Variants in TRAP1 observed in about 807,000 individuals in gnomAD.
TRAP1 encodes the protein TNF receptor associated protein 1, also known as heat shock protein 75 kDa, mitochondrial.
In TRAP1, 102 loss-of-function variants were observed where a neutral mutation model predicts 89.1. The ratio of observed to expected loss-of-function variants is 1.15; its 90% confidence interval spans 0.98 to 1.35. The LOEUF (loss-of-function observed/expected upper bound fraction) is 1.35. Ranked by LOEUF, TRAP1 falls within the 40% of genes most tolerant of loss-of-function variation. TRAP1 has a pLI of 0.00. For synonymous variants in TRAP1, 508 were observed against 388.0 expected (o/e 1.31, Z -3.64); for missense variants, 1,256 against 945.3 (o/e 1.33, Z -4.31).
chr16:3,702,577 T>A (rs1446361245), intron 1 of TRAP1, among the ~76,000 whole-genome samples: 1 of 151,536 alleles, frequency 6.6e-6, no homozygotes, highest in African/African-American at 2.4e-5. Context: ...ACCCCGTCCC[T>A]ACCAAAAATA....
intron 1 of TRAP1, among the ~76,000 whole-genome samples, chr16:3,710,879 A>ATATATATATTTT (rs71133652): frequency 3.2e-4 from 40 of 125,796 alleles, no homozygotes; most frequent in East Asian, 2.4e-3. Context: ...ATATATATAT[A>ATATATATATTTT]TTTTTTTTTT....
chr16:3,677,148 T>C (rs1263901979), intron 6 of TRAP1, among the ~76,000 whole-genome samples: 2 of 150,762 alleles, frequency 1.3e-5, no homozygotes, highest in Non-Finnish European at 2.9e-5. Context: ...ATGCCAGGGC[T>C]GGGAGGAAGC....
Position 3,686,012 on chromosome 16 carries a change from C to A in TRAP1, c.455G>T (p.Gly152Val). The stretch of plus-strand genomic sequence containing the variant: ...GGGAGGTACCTGGATGGTGATGGTG[C>A]CTTTCTCGGCATTGGTCTGCAAGTG... ...EIHLQTNAEK[G>V]TITIQDTGIG... The change falls in exon 4 of 18, where the codon GGC (glycine) becomes GTC (valine). Residue 152 changes from glycine (G) to valine (V), a missense_variant. Physicochemically the swap from Gly to Val is moderately radical, Grantham distance 109. Transcript: ENST00000246957. 1.2e-6 allele frequency: 2 copies of A among 1,613,854 alleles called. No individual in the cohort carries two copies. The highest frequency in any genetic ancestry group is 2.2e-5 in the South Asian group (2 of 91,016).
At chr16:3,680,577 A>G (rs3794701) in intron 4 of TRAP1, among the ~76,000 whole-genome samples, 100,952 of 152,186 alleles carry the variant, frequency 0.66, 35,473 homozygotes, top group African/African-American at 0.89. Flanking sequence ...CAGCGGGCAC[A>G]GACGCCTCTC....
At chr16:3,689,445 C>T (rs1039406194) in intron 2 of TRAP1, among the ~76,000 whole-genome samples, 2 of 152,074 alleles carry the variant, frequency 1.3e-5, no homozygotes, top group Non-Finnish European at 2.9e-5. Flanking sequence ...GGGGTTTTAC[C>T]ATGTTAGCCA....
intron 11 of TRAP1, among the ~76,000 whole-genome samples, chr16:3,671,117 G>A (rs2050907313): frequency 6.6e-6 from 1 of 152,098 alleles, no homozygotes; most frequent in African/African-American, 2.4e-5. Context: ...GCTCTTGAGA[G>A]ACCTCCAGGG....
intron 1 of TRAP1, among the ~76,000 whole-genome samples, chr16:3,714,124 C>T (rs952263836): frequency 1.3e-5 from 2 of 152,188 alleles, no homozygotes; most frequent in African/African-American, 2.4e-5. Context: ...CGGCCCAAAT[C>T]GCTCCTCATC....
chr16:3,677,536 T>C lies in TRAP1; in HGVS notation c.666A>G (p.Ala222=), dbSNP rs150918088. 7.7e-4 allele frequency: 1,249 copies of C among 1,614,160 alleles called. 10 individuals carry two copies. In the African/African-American group the frequency reaches 0.015, roughly 19 times the overall value. The change falls in exon 6 of 18, where the codon GCA becomes GCG. Residue 222 remains alanine (A), a synonymous_variant. Coordinates refer to ENST00000246957, the MANE Select transcript of TRAP1 (RefSeq NM_016292.3). ...ADRVEVYSRS[A]APGSLGYQWL... The stretch of plus-strand genomic sequence containing the variant: ...ACTGGTAACCCAGGCTCCCCGGGGC[T>C]GCCGAGCGGGAATAGACCTCCACTC...
At chr16:3,699,379 A>T (rs529140532) in intron 1 of TRAP1, among the ~76,000 whole-genome samples, 16 of 152,164 alleles carry the variant, frequency 1.1e-4, no homozygotes, top group African/African-American at 3.6e-4. Flanking sequence ...GGCTCACACC[A>T]TAATCCCAGC....
At position 3,662,903 on chromosome 16, in the gene TRAP1, C is replaced by T. The variant is rs1429488943; in HGVS notation, c.1773G>A (p.Gly591=). Residue 591 remains glycine, a synonymous_variant, in exon 15 of 18, where the codon GGG becomes GGA. Coordinates refer to ENST00000246957, the MANE Select transcript of TRAP1 (RefSeq NM_016292.3). ...ELMAWMRNVL[G]SRVTNVKVTL... ...TCACCTTCACGTTGGTGACACGCGA[C>T]CCCAGCACATTTCTCATCCAGGCCA... 8.1e-6 allele frequency: 13 copies of T among 1,613,524 alleles called. No individual in the cohort carries two copies. Among genetic ancestry groups the T allele is most frequent in the Non-Finnish European group, 1.1e-5 (13 of 1,180,008 alleles).
chr16:3,663,303 C>T (rs2050731272), intron 14 of TRAP1, 121 bp downstream of exon 14: 6 of 1,364,814 alleles, frequency 4.4e-6, no homozygotes. Flanking sequence ...CAAGGCTCTT[C>T]TCGGGGGTGG....
At chr16:3,703,719 T>A (rs558677827) in intron 1 of TRAP1, among the ~76,000 whole-genome samples, 2 of 152,068 alleles carry the variant, frequency 1.3e-5, no homozygotes, top group African/African-American at 4.8e-5. Flanking sequence ...CTTATAAAAC[T>A]ATTTACAAAA....
chr16:3,662,652 G>A (rs766085846), intron 15 of TRAP1: 2 of 682,882 alleles, frequency 2.9e-6, no homozygotes, highest in South Asian at 1.5e-5. Flanking sequence ...TCAGTTCTCA[G>A]TTCACACCTG....
Position 3,672,695 on chromosome 16 carries a change from C to A in TRAP1, c.1165+5G>T. The stretch of plus-strand genomic sequence containing the variant: ...GGCACTGCTCACGGACTCTGAGCAG[C>A]GTACCTCGGATGAAGCGCAGCCACT... On this transcript the variant is annotated splice_donor_5th_base_variant and intron_variant, in intron 10 of 17. Transcript: ENST00000246957. 6.2e-7 allele frequency: 1 copy of A among 1,605,360 alleles called. No individual in the cohort carries two copies.
At chr16:3,661,345 C>A (rs1035132226) in intron 16 of TRAP1, 1 of 151,740 alleles carries the variant, frequency 6.6e-6, no homozygotes, top group South Asian at 2.1e-4. Context: ...CAGGAAGAAA[C>A]GAGGGAAATC....
intron 6 of TRAP1, among the ~76,000 whole-genome samples, 183 bp downstream of exon 6, chr16:3,677,315 C>G (rs566491481): frequency 6.6e-6 from 1 of 152,154 alleles, no homozygotes; most frequent in African/African-American, 2.4e-5. Context: ...TGGGACCAGA[C>G]AGGTGCCATA....
intron 9 of TRAP1, among the ~76,000 whole-genome samples, chr16:3,673,773 A>G (rs1306391807): frequency 6.6e-6 from 1 of 152,200 alleles, no homozygotes; most frequent in Admixed American, 6.5e-5. Context: ...AGCCCCGAAT[A>G]GGTCTCCTTA....
chr16:3,714,680 T>C (rs1421130889), intron 1 of TRAP1, among the ~76,000 whole-genome samples: 2 of 151,798 alleles, frequency 1.3e-5, no homozygotes, highest in Non-Finnish European at 2.9e-5. Context: ...AATAAGATAT[T>C]CTGAGGGCAA....
chr16:3,664,500 T>C (rs200842856), intron 12 of TRAP1, 41 bp from the exon 13 acceptor site: 11 of 1,569,666 alleles, frequency 7.0e-6, no homozygotes, highest in Middle Eastern at 3.4e-4. Context: ...TCCAGGCCCA[T>C]GGGCTCAATG....
Sources: allele counts gnomAD v4.1 joint callset (sites outside exome capture counted in the v4.1 genomes callset), GRCh38; gene constraint gnomAD v4.1.1; transcripts MANE v1.5; gene names NCBI Gene and HGNC (gene_info 2026-07-23, HGNC 2026-07-21).